The following CCDC149 variants were observed in gnomAD, a reference collection of about 807,000 sequenced individuals.
The protein encoded by CCDC149 is coiled-coil domain containing 149, also known as coiled-coil domain-containing protein 149.
In CCDC149, 45 loss-of-function variants were observed where a neutral mutation model predicts 59.9. That is an observed-to-expected ratio of 0.75 (90% CI 0.59 to 0.96). CCDC149 has a LOEUF of 0.96. CCDC149 is among the 40% of genes least tolerant of loss of function. The pLI, the probability that CCDC149 is intolerant of heterozygous loss-of-function variation, is 0.00. For missense variants in CCDC149, 584 were observed against 664.7 expected (o/e 0.88, Z 1.33); for synonymous variants, 245 against 260.6 (o/e 0.94, Z 0.58).
At chr4:24,969,304 CTGT>C (rs1723892166) in intron 1 of CCDC149, among the ~76,000 whole-genome samples, 1 of 152,206 alleles carries the variant, frequency 6.6e-6, no homozygotes, top group Non-Finnish European at 1.5e-5. Flanking sequence ...GGACACAGGC[CTGT>C]TGTTCATCTA....
intron 3 of CCDC149, among the ~76,000 whole-genome samples, chr4:24,869,769 C>T (rs975597649): frequency 6.6e-6 from 1 of 152,094 alleles, no homozygotes; most frequent in African/African-American, 2.4e-5. Flanking sequence ...CATATTTATC[C>T]CCATTTTATG....
At chr4:24,822,417 T>G in intron 10 of CCDC149, 80 bp downstream of exon 10, 1 of 900,522 alleles carries the variant, frequency 1.1e-6, no homozygotes, top group Non-Finnish European at 1.6e-6. Context: ...TAGAAGACTC[T>G]TGTAAATTAC....
chr4:24,920,493 C>A (rs1185896702), intron 1 of CCDC149, among the ~76,000 whole-genome samples: 1 of 152,214 alleles, frequency 6.6e-6, no homozygotes, highest in African/African-American at 2.4e-5. Flanking sequence ...ACAGAAGTTA[C>A]CAGTCCTCTT....
At chr4:24,914,569 C>T (rs1722066173), upstream of CCDC149, among the ~76,000 whole-genome samples, 1 of 140,760 alleles carries the variant, frequency 7.1e-6, no homozygotes, top group Non-Finnish European at 1.5e-5. Flanking sequence ...CCTGCCGCCC[C>T]CTCCACGCCC....
At chr4:24,866,350 T>G (rs1050638376) in intron 3 of CCDC149, among the ~76,000 whole-genome samples, 2 of 152,322 alleles carry the variant, frequency 1.3e-5, no homozygotes, top group Middle Eastern at 3.4e-3. Context: ...TGTGTTTGAC[T>G]GTTTATTCAA....
At chr4:24,889,705 G>C (rs142219365) in intron 1 of CCDC149, among the ~76,000 whole-genome samples, 1 of 152,090 alleles carries the variant, frequency 6.6e-6, no homozygotes, top group Non-Finnish European at 1.5e-5. Context: ...AATTCAATTC[G>C]GTTGCAGAGG....
chr4:24,804,007 A>G (rs534804475), downstream of CCDC149, among the ~76,000 whole-genome samples: 1 of 152,236 alleles, frequency 6.6e-6, no homozygotes, highest in South Asian at 2.1e-4. Context: ...CTGATCTACA[A>G]ATTTTTCTCT....
At chr4:24,865,925 G>A (rs1395077500) in intron 3 of CCDC149, among the ~76,000 whole-genome samples, 1 of 152,152 alleles carries the variant, frequency 6.6e-6, no homozygotes, top group African/African-American at 2.4e-5. Flanking sequence ...AGTGCTCCTA[G>A]GGACAGGACC....
chr4:24,898,475 C>T (rs1247928428), intron 1 of CCDC149, among the ~76,000 whole-genome samples: 1 of 152,178 alleles, frequency 6.6e-6, no homozygotes. Flanking sequence ...CAGACACTCC[C>T]AGCTCTCTTA....
intron 8 of CCDC149, among the ~76,000 whole-genome samples, chr4:24,833,504 G>T (rs182691638): frequency 6.6e-6 from 1 of 152,050 alleles, no homozygotes; most frequent in African/African-American, 2.4e-5. Context: ...CACGCCTGTA[G>T]TCCCAGCTAC....
chr4:24,808,962 A>G (rs1372654625), intron 12 of CCDC149, 143 bp from the exon 13 acceptor site: 5 of 706,040 alleles, frequency 7.1e-6, no homozygotes, highest in African/African-American at 1.8e-5. Flanking sequence ...GTGCAGGGCA[A>G]TGGAGCCAAA....
chr4:24,829,117 G>C (rs1311175786), intron 9 of CCDC149: 1 of 152,670 alleles, frequency 6.6e-6, no homozygotes, highest in Non-Finnish European at 1.5e-5. Context: ...TGGCAGGTGG[G>C]TTAGGCGGGG....
At chr4:24,804,510 G>C (rs74494654), downstream of CCDC149, among the ~76,000 whole-genome samples, 4 of 127,598 alleles carry the variant, frequency 3.1e-5, no homozygotes, top group African/African-American at 8.7e-5. Flanking sequence ...AAAAAAAAAA[G>C]AAGTAGGGTA....
At chr4:24,964,559 C>A (rs563827810) in intron 1 of CCDC149, among the ~76,000 whole-genome samples, 5 of 152,170 alleles carry the variant, frequency 3.3e-5, no homozygotes, top group South Asian at 2.1e-4. Context: ...ATTTGAGATA[C>A]CCCTAAAGCA....
chr4:24,974,650 C>T (rs1163901306), intron 1 of CCDC149, among the ~76,000 whole-genome samples: 1 of 152,210 alleles, frequency 6.6e-6, no homozygotes, highest in East Asian at 1.9e-4. Flanking sequence ...TTCATCTCTA[C>T]ACCCCCCACA....
At chr4:24,923,575 C>T (rs1355273181) in intron 1 of CCDC149, among the ~76,000 whole-genome samples, 1 of 152,020 alleles carries the variant, frequency 6.6e-6, no homozygotes, top group African/African-American at 2.4e-5. Context: ...AGTTAGGTAG[C>T]CAAGATAGGC....
chr4:24,858,058 G>C (rs1421488967), intron 3 of CCDC149, among the ~76,000 whole-genome samples: 2 of 152,148 alleles, frequency 1.3e-5, no homozygotes, highest in African/African-American at 4.8e-5. Context: ...ACATTTCAAA[G>C]TGCTCAAAAT....
chr4:24,844,063 A>G (rs931907515), intron 4 of CCDC149, among the ~76,000 whole-genome samples: 2 of 152,080 alleles, frequency 1.3e-5, no homozygotes, highest in Admixed American at 6.6e-5. Flanking sequence ...CCCCTCTCTG[A>G]GAAGCCTTCT....
chr4:24,911,247 C>T (rs574950800), intron 1 of CCDC149, among the ~76,000 whole-genome samples: 165 of 152,344 alleles, frequency 1.1e-3, no homozygotes, highest in African/African-American at 3.8e-3. Context: ...AACTGAGGGG[C>T]ACCCCATGCC....
Sources: allele counts gnomAD v4.1 joint callset (sites outside exome capture counted in the v4.1 genomes callset), GRCh38; gene constraint gnomAD v4.1.1; transcripts MANE v1.5; gene names NCBI Gene and HGNC (gene_info 2026-07-23, HGNC 2026-07-21).